PRKCH: variants seen among roughly 807,000 people sequenced by gnomAD.
The protein encoded by PRKCH is protein kinase C eta.
Under a neutral mutation model 82.5 loss-of-function variants are expected in PRKCH, and 28 were observed. The observed-to-expected ratio is 0.34, with a 90% CI of 0.25 to 0.47. The LOEUF is 0.47. PRKCH is among the 20% of genes least tolerant of loss of function. The pLI is 1.00. For synonymous variants in PRKCH, 322 were observed against 327.4 expected (o/e 0.98, Z 0.18); for missense variants, 705 against 881.8 (o/e 0.80, Z 2.54).
intron 1 of PRKCH, among the ~76,000 whole-genome samples, chr14:61,222,655 T>C (rs1167556780): frequency 6.6e-6 from 1 of 152,238 alleles, no homozygotes; most frequent in African/African-American, 2.4e-5. Context: ...TGGGGAGATA[T>C]GATTGCATAA....
chr14:61,504,270 C>T (rs777085761), intron 10 of PRKCH, among the ~76,000 whole-genome samples: 3 of 152,000 alleles, frequency 2.0e-5, no homozygotes, highest in Non-Finnish European at 4.4e-5. Flanking sequence ...CTCACTGCAA[C>T]CTCCACCTCC....
chr14:61,310,756 G>T (rs552148591), intron 1 of PRKCH, among the ~76,000 whole-genome samples: 1 of 152,386 alleles, frequency 6.6e-6, no homozygotes, highest in South Asian at 2.1e-4. Context: ...CCTTTGCAGT[G>T]CCCTAGCAGA....
At chr14:61,482,350 CA>C (rs1212980944) in intron 9 of PRKCH, among the ~76,000 whole-genome samples, 1 of 152,166 alleles carries the variant, frequency 6.6e-6, no homozygotes, top group East Asian at 1.9e-4. Flanking sequence ...TCCTTCTCTT[CA>C]AAAGTAATCT....
chr14:61,433,649 T>A (rs1883528841), intron 2 of PRKCH, among the ~76,000 whole-genome samples: 1 of 152,238 alleles, frequency 6.6e-6, no homozygotes, highest in Non-Finnish European at 1.5e-5. Context: ...ATCAGCTTAC[T>A]TTTAAGTTGT....
chr14:61,321,324 G>A (rs1188377505), upstream of PRKCH, among the ~76,000 whole-genome samples: 1 of 152,216 alleles, frequency 6.6e-6, no homozygotes, highest in Non-Finnish European at 1.5e-5. The surrounding 1 kb of genome is among the most constrained non-coding windows in gnomAD (Gnocchi z 4.1). Context: ...TCGCTCCCCA[G>A]GTCAGTCTAC....
rs76228493 is a variant in PRKCH, at chr14:61,472,397, T to G, written c.1279-13105T>G. 2.1e-3 allele frequency among the ~76,000 whole-genome samples: 317 copies of G among 152,346 alleles called. 8 individuals carry two copies. Among genetic ancestry groups the G allele is most frequent in the Admixed American group, 0.016 (242 of 15,298 alleles). On this transcript the variant is annotated intron_variant, in intron 9 of 13. Transcript: ENST00000332981. ...CCAAACCTGAACTTTGTGAGTCAGA[T>G]TCCCATCCTGTGTGTGGTACATGTG... is the stretch of plus-strand genomic sequence containing the variant.
intron 2 of PRKCH, among the ~76,000 whole-genome samples, chr14:61,429,504 C>T (rs1026426451): frequency 6.6e-6 from 1 of 152,182 alleles, no homozygotes; most frequent in Non-Finnish European, 1.5e-5. Flanking sequence ...TAACTGAGTA[C>T]ATTACTTTCA....
chr14:61,419,153 C>T (rs1290399424), intron 2 of PRKCH, among the ~76,000 whole-genome samples: 1 of 152,108 alleles, frequency 6.6e-6, no homozygotes, highest in Non-Finnish European at 1.5e-5. Context: ...TCCCAAAGAC[C>T]TATTATAGGA....
intron 1 of PRKCH, among the ~76,000 whole-genome samples, chr14:61,253,402 A>G (rs2044964208): frequency 6.6e-6 from 1 of 151,426 alleles, no homozygotes; most frequent in Non-Finnish European, 1.5e-5. Flanking sequence ...GGGAAAGGAG[A>G]TGTGTTTGAG....
At chr14:61,316,561 T>C (rs935085878) in intron 1 of PRKCH, among the ~76,000 whole-genome samples, 1 of 152,216 alleles carries the variant, frequency 6.6e-6, no homozygotes, top group African/African-American at 2.4e-5. Context: ...TACAATCCAT[T>C]AGTGATCAGC....
intron 1 of PRKCH, among the ~76,000 whole-genome samples, chr14:61,332,750 G>T (rs952670127): frequency 6.6e-6 from 1 of 152,118 alleles, no homozygotes; most frequent in Non-Finnish European, 1.5e-5. Flanking sequence ...GACAAAAACC[G>T]CAAAGCTGCA....
chr14:61,252,052 C>T (rs2044951418), intron 1 of PRKCH, among the ~76,000 whole-genome samples: 2 of 152,124 alleles, frequency 1.3e-5, no homozygotes, highest in South Asian at 4.2e-4. Context: ...GTTGGTCAGG[C>T]TGGTCGCGAA....
At chr14:61,387,152 A>G (rs1391761873) in intron 1 of PRKCH, among the ~76,000 whole-genome samples, 1 of 152,252 alleles carries the variant, frequency 6.6e-6, no homozygotes, top group African/African-American at 2.4e-5. Context: ...TTGTAGATCC[A>G]GGATTCCTAG....
chr14:61,431,539 T>C (rs1054097525), intron 2 of PRKCH, among the ~76,000 whole-genome samples: 2 of 152,224 alleles, frequency 1.3e-5, no homozygotes, highest in African/African-American at 4.8e-5. Flanking sequence ...AAGAATCGAG[T>C]TGCTGCAGAC....
At position 61,337,725 on chromosome 14, in the gene PRKCH, C is replaced by G. The variant is rs369311298; in HGVS notation, c.363+15261C>G. Among the ~76,000 whole-genome samples the G allele has an allele frequency of 1.7e-4, 26 of 152,346 alleles. No homozygotes were observed. In the South Asian group the frequency reaches 5.4e-3, roughly 32 times the overall value. On this transcript the variant is annotated intron_variant, in intron 1 of 13. Coordinates refer to ENST00000332981, the MANE Select transcript of PRKCH (RefSeq NM_006255.5). ...TACAGGCATGAGCCACCATGCCCCA[C>G]CTGGGGACTCATTTGAAGGTGATCA...
chr14:61,317,977 G>A (rs546064264), upstream of PRKCH, among the ~76,000 whole-genome samples: 12 of 152,130 alleles, frequency 7.9e-5, no homozygotes, highest in African/African-American at 2.7e-4. Flanking sequence ...CTGCTTAAAT[G>A]TATCAAGATA....
intron 1 of PRKCH, among the ~76,000 whole-genome samples, chr14:61,251,121 C>T (rs2044942470): frequency 6.6e-6 from 1 of 152,086 alleles, no homozygotes; most frequent in Non-Finnish European, 1.5e-5. Context: ...AGTACATGAG[C>T]TACTTTGATA....
intron 2 of PRKCH, among the ~76,000 whole-genome samples, chr14:61,393,855 T>A (rs1437911452): frequency 6.6e-6 from 1 of 152,244 alleles, no homozygotes; most frequent in African/African-American, 2.4e-5. Context: ...GCCCTACAAA[T>A]GTGGGTCTCA....
In PRKCH at chr14:61,243,495, C is replaced by T. The variant is rs74885834; in HGVS notation, c.-19+55827C>T. On this transcript the variant is annotated intron_variant, in intron 1 of 3. Transcript: ENST00000555185. ...ACATGTGCAAAGAGCCTGAGGCATA[C>T]AGTATATTTAAGAAACCAAGAGCAG... 2.3e-3 allele frequency among the ~76,000 whole-genome samples: 342 copies of T among 151,596 alleles called. 2 individuals carry two copies. Among genetic ancestry groups the T allele is most frequent in the Admixed American group, 6.0e-3 (91 of 15,226 alleles).
Sources: allele counts gnomAD v4.1 joint callset (sites outside exome capture counted in the v4.1 genomes callset), GRCh38; gene constraint gnomAD v4.1.1; non-coding constraint Gnocchi (gnomAD v3.1); transcripts MANE v1.5; gene names NCBI Gene and HGNC (gene_info 2026-07-23, HGNC 2026-07-21).